Variants in L3MBTL2 observed in about 807,000 individuals in gnomAD.
L3MBTL2 encodes L3MBTL histone methyl-lysine binding protein 2.
In L3MBTL2, 49 loss-of-function variants were observed where a neutral mutation model predicts 86.4. The observed-to-expected ratio is 0.57, with a 90% CI of 0.45 to 0.72. The LOEUF is 0.72. Among genes scored for constraint, L3MBTL2 ranks in the 30% least tolerant of loss-of-function variants. L3MBTL2 has a pLI of 0.00. For missense variants in L3MBTL2, 755 were observed against 923.7 expected, an observed-to-expected ratio of 0.82 and a Z score of 2.37; for synonymous variants, 336 against 350.6, an observed-to-expected ratio of 0.96 and a Z score of 0.47.
In L3MBTL2 at chr22:41,209,772, G is replaced by A. The variant is rs143455680; in HGVS notation, c.101G>A (p.Arg34Gln). 4.3e-6 allele frequency: 7 copies of A among 1,614,006 alleles called. No homozygotes were observed. The highest frequency in any genetic ancestry group is 2.2e-5 in the South Asian group (2 of 91,078). ...CTGTTTGGTGGCTATGATAGTTTCC[G>A]GAGTTATAACAGCAGTGTGGGCAGT... The part of the protein sequence containing the change: ...LELFGGYDSF[R>Q]SYNSSVGSES... The change falls in exon 2 of 17, where the codon CGG becomes CAG. Residue 34 changes from arginine to glutamine, a missense_variant. Coordinates refer to ENST00000216237, the MANE Select transcript of L3MBTL2 (RefSeq NM_031488.5).
At chr22:41,222,622 A>G (rs2031902367) in intron 8 of L3MBTL2, among the ~76,000 whole-genome samples, 1 of 152,068 alleles carries the variant, frequency 6.6e-6, no homozygotes, top group Non-Finnish European at 1.5e-5. Flanking sequence ...TTGAAAAAAA[A>G]AAAAAACATT....
rs200959460 is a variant in L3MBTL2, at chr22:41,230,241, C to T, written c.2108C>T (p.Thr703Ile). Residue 703 changes from threonine (T) to isoleucine (I), a missense_variant, in exon 17 of 17, where the codon ACA (threonine) becomes ATA (isoleucine). Physicochemically the swap from Thr to Ile is moderately conservative, Grantham distance 89. This residue lies in a region of L3MBTL2 where 634 missense variants were observed against 748.9 expected (regional missense o/e 0.85). Coordinates refer to ENST00000216237, the MANE Select transcript of L3MBTL2 (RefSeq NM_031488.5). ...TCCGTCGAGAACATCAAGCAGGAAA[C>T]AGACGACTGAGCCTTCCTGCCTCCA... ...PVSVENIKQE[T>I]DD 27 of 1,613,454 alleles carry T rather than the reference C, an allele frequency of 1.7e-5. No homozygotes were observed. The African/African-American group carries it at 3.2e-4, about 19-fold the overall frequency.
intron 2 of L3MBTL2, among the ~76,000 whole-genome samples, chr22:41,210,352 C>T (rs1379406984): frequency 2.0e-5 from 3 of 151,724 alleles, no homozygotes; most frequent in Admixed American, 1.3e-4. Context: ...TTGTTTGAGA[C>T]GGAGTCTCGC....
In L3MBTL2 at chr22:41,205,376, G is replaced by A; in HGVS notation, c.14G>A (p.Arg5Gln). The A allele has an allele frequency of 6.8e-6, 11 of 1,614,196 alleles. No homozygotes were observed. The highest frequency in any genetic ancestry group is 8.5e-6 in the Non-Finnish European group (10 of 1,180,036). Residue 5 changes from arginine to glutamine, a missense_variant, in exon 1 of 17, where the codon CGG becomes CAG. Physicochemically the swap from Arg to Gln is conservative, Grantham distance 43 (BLOSUM62 1). Around this residue, in one of 3 missense-constraint regions of L3MBTL2, gnomAD observed 103 missense variants for 105.2 expected, o/e 0.98. Coordinates refer to ENST00000216237, the MANE Select transcript of L3MBTL2 (RefSeq NM_031488.5). ...AACTGAGGTCTCATGGAGAAGCCCC[G>A]GAGTATTGAGGTGAGAAGGCGAGGA... MEKP[R>Q]SIEETPSSEP...
At chr22:41,210,113 G>T in intron 2 of L3MBTL2, 180 bp downstream of exon 2, 11 of 476,180 alleles carry the variant, frequency 2.3e-5, no homozygotes, top group South Asian at 4.0e-5. Context: ...AGTAGCCACT[G>T]TGTTAACTTC....
chr22:41,221,751 C>T (rs1342028250), intron 8 of L3MBTL2, among the ~76,000 whole-genome samples: 2 of 151,414 alleles, frequency 1.3e-5, no homozygotes, highest in African/African-American at 4.9e-5. Flanking sequence ...GGACTACAGG[C>T]GCCCACCACG....
chr22:41,219,238 C>A, intron 5 of L3MBTL2, 181 bp from the exon 6 acceptor site: 2 of 527,656 alleles, frequency 3.8e-6, no homozygotes, highest in Non-Finnish European at 3.5e-6. Flanking sequence ...CCTCTACTCC[C>A]GGCTTAGCTC....
intron 5 of L3MBTL2, chr22:41,217,423 T>C: frequency 1.9e-6 from 1 of 534,222 alleles, no homozygotes; most frequent in Non-Finnish European, 3.4e-6. Flanking sequence ...TCTGAAGCCC[T>C]TCAGTTTATT....
intron 15 of L3MBTL2, among the ~76,000 whole-genome samples, chr22:41,229,234 G>T (rs2032410235): frequency 6.6e-6 from 1 of 152,172 alleles, no homozygotes; most frequent in Non-Finnish European, 1.5e-5. Flanking sequence ...TCAAACCTGG[G>T]TGACAGAGTG....
chr22:41,223,941 G>C (rs116507124), intron 8 of L3MBTL2, 79 bp from the exon 9 acceptor site: 1 of 1,132,604 alleles, frequency 8.8e-7, no homozygotes, highest in East Asian at 2.4e-5. Context: ...CACCTTCCCT[G>C]TCCTCCACTC....
In L3MBTL2 at chr22:41,225,612, C is replaced by A. The variant is rs1298903522; in HGVS notation, c.1357-182C>A. On this transcript the variant is annotated intron_variant, in intron 11 of 16. Coordinates refer to ENST00000216237, the MANE Select transcript of L3MBTL2 (RefSeq NM_031488.5). This position sits in a 1 kb window ranked among gnomAD's most constrained non-coding sequence, Gnocchi z 4.1. Reference sequence around the variant, plus strand: ...CTGTCTAGTGGGGAAGAGAAAGAATCCCACGCGTATGCATCACAGAAGTAC... The same window carrying A: ...CTGTCTAGTGGGGAAGAGAAAGAATACCACGCGTATGCATCACAGAAGTAC... Among the ~76,000 whole-genome samples the A allele has an allele frequency of 6.6e-6, 1 of 152,234 alleles. No homozygotes were observed. Among genetic ancestry groups the A allele is most frequent in the Non-Finnish European group, 1.5e-5 (1 of 68,042 alleles).
In L3MBTL2 at chr22:41,227,499, C is replaced by A. The variant is rs1351934959; in HGVS notation, c.1822+176C>A. On this transcript the variant is annotated intron_variant, in intron 14 of 16. Coordinates refer to ENST00000216237, the MANE Select transcript of L3MBTL2 (RefSeq NM_031488.5). The surrounding 1 kb of genome is among the most constrained non-coding windows in gnomAD (Gnocchi z 6.0). ...CCCCTGCTCCTGACTTCTCTGTCTC[C>A]CTTTCCCTCTGGCCTGCAGAGCTCC... 7.6e-7 allele frequency: 1 copy of A among 1,324,124 alleles called. No individual in the cohort carries two copies. The highest frequency in any genetic ancestry group is 1.1e-6 in the Non-Finnish European group (1 of 941,650). 82.0% of individuals were successfully genotyped at this position (1,324,124 alleles called of 1,614,324 possible).
Position 41,226,812 on chromosome 22 carries a change from G to C in L3MBTL2, c.1587+68G>C. 1.3e-5 allele frequency: 15 copies of C among 1,130,572 alleles called. No homozygotes were observed. In the South Asian group the frequency reaches 1.8e-4, roughly 14 times the overall value. 70.0% of individuals were successfully genotyped at this position (1,130,572 alleles called of 1,614,324 possible). On this transcript the variant is annotated intron_variant, in intron 13 of 16. Coordinates refer to ENST00000216237, the MANE Select transcript of L3MBTL2 (RefSeq NM_031488.5). ...GGACAGGCCCTGCCTGCTGCTGTCA[G>C]TGGTGGCAGTTCCTACTCTTTCTCT...
In L3MBTL2 at chr22:41,213,861, C is replaced by T. The variant is rs374682165; in HGVS notation, c.263-32C>T. The T allele has an allele frequency of 5.2e-5, 84 of 1,611,990 alleles. No individual in the cohort carries two copies. The Middle Eastern group carries it at 1.3e-3, about 25-fold the overall frequency. On this transcript the variant is annotated intron_variant, in intron 2 of 16. Coordinates refer to ENST00000216237, the MANE Select transcript of L3MBTL2 (RefSeq NM_031488.5). ...TTTGTTTGCTTTGAGGTGGTCATAT[C>T]GGGTGAGTCATGTGCTAAGTTCTCT...
intron 8 of L3MBTL2, among the ~76,000 whole-genome samples, chr22:41,221,752 G>C (rs1048761548): frequency 3.3e-5 from 5 of 151,834 alleles, no homozygotes; most frequent in African/African-American, 1.2e-4. Context: ...GACTACAGGC[G>C]CCCACCACGC....
rs2031114659 is a variant in L3MBTL2, at chr22:41,213,784, G to A, written c.263-109G>A. The stretch of plus-strand genomic sequence containing the variant: ...TCTTATTCCATTAGCCTTTGTGGGG[G>A]CAGGGGCTCACCTGGTTAATGCAGT... On this transcript the variant is annotated intron_variant, in intron 2 of 16. Transcript: ENST00000216237. The A allele has an allele frequency of 3.3e-6, 4 of 1,194,634 alleles. No homozygotes were observed. The South Asian group carries it at 4.1e-5, about 12-fold the overall frequency. 74.0% of individuals were successfully genotyped at this position (1,194,634 alleles called of 1,614,324 possible).
intron 2 of L3MBTL2, among the ~76,000 whole-genome samples, chr22:41,212,337 A>T (rs573604804): frequency 3.3e-5 from 5 of 151,792 alleles, no homozygotes; most frequent in Admixed American, 6.6e-5. Flanking sequence ...GGAGCTTTTA[A>T]CAAACTACAG....
intron 2 of L3MBTL2, 110 bp from the exon 3 acceptor site, chr22:41,213,783 G>C: frequency 8.4e-7 from 1 of 1,194,484 alleles, no homozygotes; most frequent in Non-Finnish European, 1.2e-6. Context: ...CCTTTGTGGG[G>C]GCAGGGGCTC....
At chr22:41,229,452 G>A (rs950922473) in intron 15 of L3MBTL2, 88 bp from the exon 16 acceptor site, 16 of 1,461,284 alleles carry the variant, frequency 1.1e-5, no homozygotes, top group East Asian at 4.6e-5. Context: ...CCTCTGCCAC[G>A]CTGCCTGACC....
Sources: gnomAD v4.1 joint callset for allele counts (sites outside exome capture counted in the v4.1 genomes callset) on GRCh38, gnomAD v4.1.1 for gene constraint, gnomAD v4.1.1 regional missense constraint, Gnocchi (gnomAD v3.1) non-coding constraint, MANE v1.5 for transcripts, NCBI Gene and HGNC (gene_info 2026-07-23, HGNC 2026-07-21) for gene names.